Variants in JAZF1 observed in about 807,000 individuals in gnomAD.
JAZF1 encodes the protein juxtaposed with another zinc finger protein 1.
JAZF1 carries 8 observed loss-of-function variants against 26.4 expected under a neutral mutation model. The ratio of observed to expected loss-of-function variants is 0.30; its 90% CI spans 0.18 to 0.55. The LOEUF (loss-of-function observed/expected upper bound fraction) is 0.55, where lower values mean the gene tolerates loss of function less well. JAZF1 is among the 20% of genes least tolerant of loss of function. The probability of loss-of-function intolerance (pLI) is 0.94; values close to 1 mark genes in which losing one functional copy is unlikely to be tolerated. For missense variants in JAZF1, 199 were observed against 322.0 expected, an observed-to-expected ratio of 0.62 and a Z score of 2.92; for synonymous variants, 126 against 122.3, an observed-to-expected ratio of 1.03 and a Z score of -0.20.
intron 2 of JAZF1, among the ~76,000 whole-genome samples, chr7:27,943,371 G>A (rs1481404723): frequency 1.3e-5 from 2 of 152,186 alleles, no homozygotes; most frequent in Admixed American, 1.3e-4. Flanking sequence ...AAGGAGGGTA[G>A]TGTAGACGCC....
At chr7:28,179,156 T>C (rs1306564155) in intron 1 of JAZF1, among the ~76,000 whole-genome samples, 1 of 152,214 alleles carries the variant, frequency 6.6e-6, no homozygotes, top group Non-Finnish European at 1.5e-5. Context: ...GGGGGCAATT[T>C]ACAGGTTCTC....
At position 28,083,595 on chromosome 7, in the gene JAZF1, T is replaced by C. The variant is rs115402495; in HGVS notation, c.116-91614A>G. Among the ~76,000 whole-genome samples, 305 of 152,202 alleles carry C rather than the reference T, an allele frequency of 2.0e-3. 5 individuals carry two copies. The highest frequency in any genetic ancestry group is 7.2e-3 in the African/African-American group (300 of 41,546). ...CGTGAAGACTAAAATACACACAGCA[T>C]ATGAAGTGCCAAGAGTGCTGTATTA... On this transcript the variant is annotated intron_variant, in intron 1 of 4. Coordinates refer to ENST00000283928, the MANE Select transcript of JAZF1 (RefSeq NM_175061.4).
intron 1 of JAZF1, among the ~76,000 whole-genome samples, chr7:28,095,425 G>A (rs1343491357): frequency 3.3e-5 from 5 of 152,088 alleles, no homozygotes; most frequent in African/African-American, 7.2e-5. Flanking sequence ...CAAGTGAAGG[G>A]GGAGGAGCCC....
At chr7:28,020,314 A>G (rs1782981946) in intron 1 of JAZF1, among the ~76,000 whole-genome samples, 1 of 152,176 alleles carries the variant, frequency 6.6e-6, no homozygotes, top group African/African-American at 2.4e-5. Context: ...GAAAGTATTT[A>G]AGCTTAGAGA....
At chr7:28,041,779 C>G (rs1477404508) in intron 1 of JAZF1, among the ~76,000 whole-genome samples, 2 of 152,210 alleles carry the variant, frequency 1.3e-5, no homozygotes, top group South Asian at 2.1e-4. Flanking sequence ...AGATACTCAT[C>G]TTGAGTATCT....
At chr7:28,056,408 C>T (rs1783708816) in intron 1 of JAZF1, among the ~76,000 whole-genome samples, 1 of 148,292 alleles carries the variant, frequency 6.7e-6, no homozygotes, top group African/African-American at 2.5e-5. Flanking sequence ...CACGTGGCAG[C>T]TTCATTCCTT....
intron 1 of JAZF1, among the ~76,000 whole-genome samples, chr7:28,009,514 C>A (rs186380276): frequency 3.3e-5 from 5 of 149,802 alleles, no homozygotes; most frequent in African/African-American, 1.2e-4. Context: ...GACAGAGTCT[C>A]GCTCTGTCGC....
intron 3 of JAZF1, among the ~76,000 whole-genome samples, chr7:27,878,621 CTTCT>C (rs1255017313): frequency 3.3e-5 from 5 of 152,168 alleles, no homozygotes; most frequent in Middle Eastern, 6.8e-3. Context: ...AGTGTTTTTC[CTTCT>C]TTGTTTTCTT....
At chr7:27,844,992 C>T (rs1252501679) in intron 3 of JAZF1, among the ~76,000 whole-genome samples, 4 of 152,158 alleles carry the variant, frequency 2.6e-5, no homozygotes, top group African/African-American at 4.8e-5. Flanking sequence ...GGAGAGGTGC[C>T]GGGTGCCCCG....
intron 3 of JAZF1, among the ~76,000 whole-genome samples, chr7:27,861,511 C>G (rs889532847): frequency 6.6e-6 from 1 of 151,452 alleles, no homozygotes; most frequent in Non-Finnish European, 1.5e-5. Context: ...TTCATTTCTG[C>G]CATCACCTGT....
intron 4 of JAZF1, chr7:27,833,256 T>G: frequency 4.9e-6 from 1 of 204,716 alleles, no homozygotes; most frequent in Non-Finnish European, 9.8e-6. Context: ...AAATATATAT[T>G]TAGGACTTAC....
chr7:27,962,744 C>T (rs1464054382), intron 2 of JAZF1, among the ~76,000 whole-genome samples: 1 of 152,134 alleles, frequency 6.6e-6, no homozygotes, highest in Non-Finnish European at 1.5e-5. Context: ...GTATTTAGTC[C>T]TGGAATTAAA....
chr7:27,880,969 C>T (rs1783758941), intron 3 of JAZF1, among the ~76,000 whole-genome samples: 1 of 152,218 alleles, frequency 6.6e-6, no homozygotes, highest in African/African-American at 2.4e-5. Context: ...GCCACTGTGC[C>T]TGGCCTGAAC....
intron 3 of JAZF1, among the ~76,000 whole-genome samples, chr7:27,888,239 T>C (rs1198589161): frequency 6.6e-6 from 1 of 152,222 alleles, no homozygotes; most frequent in African/African-American, 2.4e-5. Flanking sequence ...CAGGAATTCA[T>C]ATCACAAAAT....
At chr7:28,029,377 A>G (rs1783147207) in intron 1 of JAZF1, among the ~76,000 whole-genome samples, 1 of 152,222 alleles carries the variant, frequency 6.6e-6, no homozygotes, top group African/African-American at 2.4e-5. Flanking sequence ...CTGACACATC[A>G]CACTTTGTCT....
chr7:28,127,049 T>C (rs567778522), intron 1 of JAZF1, among the ~76,000 whole-genome samples: 77 of 152,362 alleles, frequency 5.1e-4, no homozygotes, highest in Non-Finnish European at 8.7e-4. Flanking sequence ...GGCTCTGGGA[T>C]ATCCCAGGCA....
intron 1 of JAZF1, among the ~76,000 whole-genome samples, chr7:28,154,347 A>G (rs1783150071): frequency 1.3e-5 from 2 of 152,216 alleles, no homozygotes; most frequent in Non-Finnish European, 2.9e-5. Context: ...GGGTCCCTAC[A>G]GAAGTCTCCA....
At chr7:28,072,522 G>C (rs918233325) in intron 1 of JAZF1, among the ~76,000 whole-genome samples, 1 of 152,274 alleles carries the variant, frequency 6.6e-6, no homozygotes, top group South Asian at 2.1e-4. Flanking sequence ...AATTGGCATT[G>C]CTTCACTTTT....
At chr7:28,169,759 T>G (rs112741398) in intron 1 of JAZF1, among the ~76,000 whole-genome samples, 8 of 151,976 alleles carry the variant, frequency 5.3e-5, no homozygotes, top group Non-Finnish European at 1.0e-4. Flanking sequence ...TGGTGTTCAA[T>G]TTACTTAACA....
Sources: allele counts gnomAD v4.1 joint callset (sites outside exome capture counted in the v4.1 genomes callset), GRCh38; gene constraint gnomAD v4.1.1; transcripts MANE v1.5; gene names NCBI Gene and HGNC (gene_info 2026-07-23, HGNC 2026-07-21).